The following DGKI variants were observed in gnomAD, a reference collection of about 807,000 sequenced individuals.
DGKI encodes DAG kinase iota.
A neutral mutation model predicts 147.5 loss-of-function variants in DGKI; 55 were observed. That is an observed-to-expected ratio of 0.37 (90% CI 0.30 to 0.47). The LOEUF is 0.47. Among genes scored for constraint, DGKI ranks in the 20% least tolerant of loss-of-function variants. The pLI, the probability that DGKI is intolerant of heterozygous loss-of-function variation, is 1.00. For missense variants in DGKI, 1,007 were observed against 1,323.8 expected, an observed-to-expected ratio of 0.76 and a Z score of 3.71; for synonymous variants, 469 against 477.1, an observed-to-expected ratio of 0.98 and a Z score of 0.22.
intron 1 of DGKI, among the ~76,000 whole-genome samples, chr7:137,814,156 G>C (rs889552330): frequency 6.6e-6 from 1 of 152,150 alleles, no homozygotes. Flanking sequence ...GGTGAGGAAT[G>C]GGAGGAGGAA....
chr7:137,803,984 T>C (rs1347617954), intron 1 of DGKI, among the ~76,000 whole-genome samples: 2 of 152,224 alleles, frequency 1.3e-5, no homozygotes, highest in African/African-American at 4.8e-5. Flanking sequence ...TGCACAATTA[T>C]CTTCTCTGAG....
intron 27 of DGKI, among the ~76,000 whole-genome samples, chr7:137,447,243 T>G (rs1358010476): frequency 6.6e-6 from 1 of 152,244 alleles, no homozygotes; most frequent in Non-Finnish European, 1.5e-5. Flanking sequence ...CCATTTATGT[T>G]GATTCAATTT....
At chr7:137,479,948 C>T (rs1364574553) in intron 23 of DGKI, among the ~76,000 whole-genome samples, 1 of 152,078 alleles carries the variant, frequency 6.6e-6, no homozygotes, top group African/African-American at 2.4e-5. Context: ...TCTTAAAACC[C>T]CTCCATCTCG....
In DGKI at chr7:137,521,986, T is replaced by C; in HGVS notation, c.2148-20A>G. On this transcript the variant is annotated intron_variant, in intron 20 of 32. Transcript: ENST00000614521. ...TGGGGACTGCAAAACAAGAACCGAG[T>C]GGTCAGATACAAATGAGAGAGCGGA... is the stretch of plus-strand genomic sequence containing the variant. 3.2e-6 allele frequency: 5 copies of C among 1,586,820 alleles called. No homozygotes were observed. The highest frequency in any genetic ancestry group is 4.3e-6 in the Non-Finnish European group (5 of 1,158,604).
chr7:137,800,509 T>C (rs1247286900), intron 1 of DGKI, among the ~76,000 whole-genome samples: 1 of 152,130 alleles, frequency 6.6e-6, no homozygotes, highest in Admixed American at 6.5e-5. Flanking sequence ...ATTTCCGCCA[T>C]GATTGGAAGC....
chr7:137,619,764 C>T (rs1195503985), intron 8 of DGKI, 60 bp downstream of exon 8: 18 of 1,319,424 alleles, frequency 1.4e-5, no homozygotes, highest in African/African-American at 5.8e-5. Context: ...GAGAAAAGCA[C>T]GAAGCAGCAG....
intron 6 of DGKI, among the ~76,000 whole-genome samples, chr7:137,642,639 G>C (rs555400763): frequency 6.6e-6 from 1 of 152,056 alleles, no homozygotes; most frequent in Admixed American, 6.6e-5. Context: ...TGAGGCATTC[G>C]GCTAACGTTA....
intron 27 of DGKI, among the ~76,000 whole-genome samples, chr7:137,454,057 T>A (rs1478847037): frequency 6.6e-6 from 1 of 152,162 alleles, no homozygotes; most frequent in African/African-American, 2.4e-5. Context: ...AAGAGATCCA[T>A]TGTACAACAT....
At chr7:137,395,050 C>A (rs990812082) in intron 32 of DGKI, among the ~76,000 whole-genome samples, 4 of 152,058 alleles carry the variant, frequency 2.6e-5, no homozygotes, top group Non-Finnish European at 5.9e-5. Flanking sequence ...TATTAGAAAA[C>A]AAATGGAAAG....
At chr7:137,429,253 T>C (rs1812958915) in intron 28 of DGKI, among the ~76,000 whole-genome samples, 1 of 150,772 alleles carries the variant, frequency 6.6e-6, no homozygotes, top group Non-Finnish European at 1.5e-5. Flanking sequence ...ACACCACATA[T>C]CTACAACTAT....
chr7:137,677,383 C>T (rs1275481701), intron 3 of DGKI, among the ~76,000 whole-genome samples: 1 of 152,210 alleles, frequency 6.6e-6, no homozygotes, highest in Non-Finnish European at 1.5e-5. Flanking sequence ...TCCAGGTTTC[C>T]CGACTTCCAA....
At chr7:137,735,889 C>G (rs193113450) in intron 1 of DGKI, among the ~76,000 whole-genome samples, 10 of 152,148 alleles carry the variant, frequency 6.6e-5, no homozygotes, top group Admixed American at 5.2e-4. Context: ...ACACTAAACG[C>G]CTGTGCTAGC....
At chr7:137,563,283 A>C (rs1010998016) in intron 19 of DGKI, among the ~76,000 whole-genome samples, 1 of 152,052 alleles carries the variant, frequency 6.6e-6, no homozygotes, top group African/African-American at 2.4e-5. Flanking sequence ...ACTAATAAAA[A>C]AAAACTACAA....
chr7:137,483,583 C>T (rs990212856), intron 23 of DGKI, among the ~76,000 whole-genome samples: 21 of 152,060 alleles, frequency 1.4e-4, no homozygotes, highest in African/African-American at 4.8e-4. Flanking sequence ...GCTATTATTC[C>T]TAATGCTCTC....
At chr7:137,545,482 A>AACACAC (rs56767309) in intron 20 of DGKI, among the ~76,000 whole-genome samples, 1 of 151,876 alleles carries the variant, frequency 6.6e-6, no homozygotes, top group African/African-American at 2.4e-5. Flanking sequence ...CCAAAACAGA[A>AACACAC]ACACACACAC....
intron 20 of DGKI, among the ~76,000 whole-genome samples, chr7:137,535,551 G>A (rs1817488924): frequency 1.3e-5 from 2 of 151,550 alleles, no homozygotes; most frequent in Non-Finnish European, 2.9e-5. Flanking sequence ...TTACCCCCAA[G>A]TCTGACTTCT....
intron 30 of DGKI, among the ~76,000 whole-genome samples, chr7:137,406,285 C>T (rs1011562214): frequency 6.6e-6 from 1 of 152,174 alleles, no homozygotes; most frequent in Non-Finnish European, 1.5e-5. Context: ...AGTGTGGCTT[C>T]ACTCTTGCCC....
chr7:137,553,130 A>G (rs1051401501), intron 19 of DGKI, among the ~76,000 whole-genome samples: 2 of 152,356 alleles, frequency 1.3e-5, no homozygotes, highest in Middle Eastern at 3.4e-3. Flanking sequence ...TATGTTTCAA[A>G]TCTAAATTTA....
chr7:137,465,823 A>G, intron 26 of DGKI, 85 bp downstream of exon 26: 5 of 1,509,574 alleles, frequency 3.3e-6, no homozygotes, highest in Non-Finnish European at 3.6e-6. Flanking sequence ...ATTTGATGTC[A>G]TTAGAACGAT....
Sources: allele counts gnomAD v4.1 joint callset (sites outside exome capture counted in the v4.1 genomes callset), GRCh38; gene constraint gnomAD v4.1.1; transcripts MANE v1.5; gene names NCBI Gene and HGNC (gene_info 2026-07-23, HGNC 2026-07-21).